Variants in RAB20 observed in about 807,000 individuals in gnomAD.
RAB20 encodes ras-related protein Rab-20.
Under a neutral mutation model 3.7 loss-of-function variants are expected in RAB20, and 2 were observed. The ratio of observed to expected loss-of-function variants is 0.54; its 90% CI spans 0.22 to 1.69. The LOEUF (loss-of-function observed/expected upper bound fraction) is 1.69, where lower values mean the gene tolerates loss of function less well. Among genes scored for constraint, RAB20 ranks in the 40% most tolerant of loss-of-function variants. The pLI, the probability that RAB20 is intolerant of heterozygous loss-of-function variation, is 0.19. For synonymous variants in RAB20, 126 were observed against 130.8 expected (o/e 0.96, Z 0.25); for missense variants, 276 against 311.9 (o/e 0.88, Z 0.87).
At position 110,561,484 on chromosome 13, in the gene RAB20, C is replaced by T. The variant is rs751460937; in HGVS notation, c.36G>A (p.Gly12=). The T allele has an allele frequency of 1.3e-6, 2 of 1,594,166 alleles. No homozygotes were observed. Among genetic ancestry groups the T allele is most frequent in the South Asian group, 1.1e-5 (1 of 89,808 alleles). ...RKPDSKIVLL[G]DMNVGKTSLL... ...GCGACGTCTTCCCCACGTTCATGTC[C>T]CCCAGGAGCACGATCTTGCTGTCGG... The change falls in exon 1 of 2, where the codon GGG becomes GGA. Residue 12 remains glycine, a synonymous_variant. Transcript: ENST00000267328.
intron 1 of RAB20, among the ~76,000 whole-genome samples, chr13:110,535,889 G>A (rs1427137378): frequency 1.3e-5 from 2 of 152,188 alleles, no homozygotes; most frequent in Non-Finnish European, 2.9e-5. Context: ...GTTTAAAAAT[G>A]GAATCATAAA....
chr13:110,523,631 C>T lies in RAB20; in HGVS notation c.*34G>A. The T allele has an allele frequency of 6.2e-7, 1 of 1,600,738 alleles. No individual in the cohort carries two copies. The highest frequency in any genetic ancestry group is 8.5e-7 in the Non-Finnish European group (1 of 1,171,238). The stretch of plus-strand genomic sequence containing the variant: ...CTTGCCTGGTCAGACCCCTTCCCAA[C>T]ATGCACAGTCTGAGTCCAGGAGGCC... On this transcript the variant is annotated 3_prime_UTR_variant, in exon 2 of 2. Transcript: ENST00000267328.
At chr13:110,535,026 G>A (rs1884616499) in intron 1 of RAB20, among the ~76,000 whole-genome samples, 1 of 151,986 alleles carries the variant, frequency 6.6e-6, no homozygotes, top group East Asian at 1.9e-4. Context: ...TAGAGATGAG[G>A]TCTCACTAAG....
At chr13:110,537,272 G>T (rs1206235055) in intron 1 of RAB20, among the ~76,000 whole-genome samples, 1 of 151,510 alleles carries the variant, frequency 6.6e-6, no homozygotes, top group Non-Finnish European at 1.5e-5. Flanking sequence ...GGCCTCCCAC[G>T]GTGCTGGGAT....
In RAB20 at chr13:110,524,039, C is replaced by T. The variant is rs556443206; in HGVS notation, c.331G>A (p.Val111Met). ...TCAGTGAGGTCCACTTTGTTCCCCACGATGGCAAAGAGGCAGTCTTTGCTG... is the reference window on the plus strand; with the variant it reads ...TCAGTGAGGTCCACTTTGTTCCCCATGATGGCAAAGAGGCAGTCTTTGCTG... ...TASKDCLFAI[V>M]GNKVDLTEEG... The change falls in exon 2 of 2, where the codon GTG becomes ATG. Residue 111 changes from valine to methionine, a missense_variant. Physicochemically the swap from Val to Met is conservative, Grantham distance 21 (BLOSUM62 1). Coordinates refer to ENST00000267328, the MANE Select transcript of RAB20 (RefSeq NM_017817.3). 4 of 1,614,142 alleles carry T rather than the reference C, an allele frequency of 2.5e-6. No homozygotes were observed. The highest frequency in any genetic ancestry group is 1.1e-5 in the South Asian group (1 of 91,070).
rs74124685 is a variant in RAB20 at position 110,523,499 on chromosome 13, G to A, written c.*166C>T. 508 of 1,250,316 alleles carry A rather than the reference G, an allele frequency of 4.1e-4. 2 individuals carry two copies. In the African/African-American group the frequency reaches 6.5e-3, roughly 16 times the overall value. The allele number at this position is 1,250,316 out of a possible 1,614,324, so 77.5% of individuals were successfully genotyped here. On this transcript the variant is annotated 3_prime_UTR_variant, in exon 2 of 2. Transcript: ENST00000267328. ...GACAGAGACTGAGGAGACCACACACGTTGACCTCCTCTTCATAGCCAGCCA... is the reference window on the plus strand; with the variant it reads ...GACAGAGACTGAGGAGACCACACACATTGACCTCCTCTTCATAGCCAGCCA...
chr13:110,556,196 C>T (rs886100497), intron 1 of RAB20, among the ~76,000 whole-genome samples: 4 of 152,232 alleles, frequency 2.6e-5, no homozygotes, highest in Non-Finnish European at 5.9e-5. Flanking sequence ...GGGTGAGGGA[C>T]GCTGAGCCTG....
chr13:110,523,122 G>A lies in RAB20; in HGVS notation c.*543C>T, dbSNP rs1884359315. ...CATGTAGCCAACATTGCTGCAATCA[G>A]TATAAAAACAAAGTTATTCCTGATT... On this transcript the variant is annotated 3_prime_UTR_variant, in exon 2 of 2. Coordinates refer to ENST00000267328, the MANE Select transcript of RAB20 (RefSeq NM_017817.3). 2.5e-6 allele frequency: 1 copy of A among 397,680 alleles called. No individual in the cohort carries two copies. The highest frequency in any genetic ancestry group is 2.1e-5 in the African/African-American group (1 of 48,586). The allele number at this position is 397,680 out of a possible 1,614,324, so 24.6% of individuals were successfully genotyped here.
At chr13:110,535,877 C>T (rs1311553743) in intron 1 of RAB20, among the ~76,000 whole-genome samples, 2 of 152,238 alleles carry the variant, frequency 1.3e-5, no homozygotes, top group Non-Finnish European at 2.9e-5. Flanking sequence ...ACAGCACTTT[C>T]TGTTTAAAAA....
In RAB20 at chr13:110,555,015, G is replaced by A. The variant is rs1342301361; in HGVS notation, c.172+6333C>T. On this transcript the variant is annotated intron_variant, in intron 1 of 1. Coordinates refer to ENST00000267328, the MANE Select transcript of RAB20 (RefSeq NM_017817.3). The surrounding 1 kb of genome is among the most constrained non-coding windows in gnomAD (Gnocchi z 4.0). ...GGCACCGTGTCAGGGAGCGACTGTG[G>A]GAGCCGCCTCCCCTCTGTAAGATGC... Among the ~76,000 whole-genome samples the A allele has an allele frequency of 1.3e-5, 2 of 150,436 alleles. No homozygotes were observed. Among genetic ancestry groups the A allele is most frequent in the African/African-American group, 4.9e-5 (2 of 40,686 alleles).
In RAB20 at chr13:110,523,635, C is replaced by A. The variant is rs780179672; in HGVS notation, c.*30G>T. The stretch of plus-strand genomic sequence containing the variant: ...CCTGGTCAGACCCCTTCCCAACATG[C>A]ACAGTCTGAGTCCAGGAGGCCCTCG... On this transcript the variant is annotated 3_prime_UTR_variant, in exon 2 of 2. Transcript: ENST00000267328. 3.1e-6 allele frequency: 5 copies of A among 1,602,626 alleles called. No individual in the cohort carries two copies. The highest frequency in any genetic ancestry group is 3.4e-5 in the Admixed American group (2 of 59,514).
intron 1 of RAB20, among the ~76,000 whole-genome samples, chr13:110,536,944 A>C (rs1344136328): frequency 2.0e-5 from 1 of 49,396 alleles, no homozygotes; most frequent in Non-Finnish European, 3.6e-5. Flanking sequence ...CCCACCCCAC[A>C]ACAGGCCCCG....
At position 110,555,917 on chromosome 13, in the gene RAB20, C is replaced by T. The variant is rs1885030973; in HGVS notation, c.172+5431G>A. ...CTGAGCCTCCCTCCTCCCTTTGTAA[C>T]ATGCCTGCTGGTGTAACCTCAGTGA... On this transcript the variant is annotated intron_variant, in intron 1 of 1. Coordinates refer to ENST00000267328, the MANE Select transcript of RAB20 (RefSeq NM_017817.3). The surrounding 1 kb of genome is among the most constrained non-coding windows in gnomAD (Gnocchi z 4.0). 6.6e-6 allele frequency among the ~76,000 whole-genome samples: 1 copy of T among 152,204 alleles called. No individual in the cohort carries two copies. Among genetic ancestry groups the T allele is most frequent in the African/African-American group, 2.4e-5 (1 of 41,450 alleles).
chr13:110,558,119 C>T (rs1355170781), intron 1 of RAB20, among the ~76,000 whole-genome samples: 1 of 152,248 alleles, frequency 6.6e-6, no homozygotes, highest in Non-Finnish European at 1.5e-5. Context: ...ACAGGCAACA[C>T]CACTTTAGGC....
Position 110,523,810 on chromosome 13 carries a change from C to A in RAB20, c.560G>T (p.Gly187Val). 2.5e-6 allele frequency: 4 copies of A among 1,614,214 alleles called. No homozygotes were observed. Among genetic ancestry groups the A allele is most frequent in the Non-Finnish European group, 3.4e-6 (4 of 1,180,040 alleles). Residue 187 changes from glycine to valine, a missense_variant, in exon 2 of 2, where the codon GGC (glycine) becomes GTC (valine). Coordinates refer to ENST00000267328, the MANE Select transcript of RAB20 (RefSeq NM_017817.3). ...QMCFETSAKT[G>V]YNVDLLFETL... is the part of the protein sequence containing the mutation. ...CTCAAACAGGAGGTCCACATTGTAG[C>A]CGGTCTTGGCGCTGGTCTCAAAGCA...
chr13:110,536,879 A>T (rs1566586156), intron 1 of RAB20, among the ~76,000 whole-genome samples: 1 of 150,346 alleles, frequency 6.7e-6, no homozygotes, highest in Non-Finnish European at 1.5e-5. Context: ...TGCTGCACCC[A>T]TTAACTCATC....
chr13:110,558,380 CTT>C lies in RAB20; in HGVS notation c.172+2966_172+2967del, dbSNP rs34187531. Among the ~76,000 whole-genome samples, 433 of 119,342 alleles carry C rather than the reference CTT, an allele frequency of 3.6e-3. 2 individuals are homozygous for C. Among genetic ancestry groups the C allele is most frequent in the African/African-American group, 0.012 (378 of 31,986 alleles). The allele number at this position is 119,342 out of a possible 152,430, so 78.3% of individuals were successfully genotyped here. Reference sequence around the variant, plus strand: ...CCACTTAACTTCTGCTGTCTTCCCACTTTTTTTTTTTTTTTTTTTTGAGACAG... The same window carrying C: ...CCACTTAACTTCTGCTGTCTTCCCACTTTTTTTTTTTTTTTTTTGAGACAG... On this transcript the variant is annotated intron_variant, in intron 1 of 1. Coordinates refer to ENST00000267328, the MANE Select transcript of RAB20 (RefSeq NM_017817.3).
intron 1 of RAB20, among the ~76,000 whole-genome samples, chr13:110,538,261 G>A (rs1249535182): frequency 2.6e-4 from 36 of 140,866 alleles, no homozygotes; most frequent in Admixed American, 2.2e-3. Context: ...AAAAAAGAAA[G>A]AAAGAAAGAA....
At chr13:110,553,455 C>T (rs543793625) in intron 1 of RAB20, among the ~76,000 whole-genome samples, 2 of 152,306 alleles carry the variant, frequency 1.3e-5, no homozygotes, top group South Asian at 4.2e-4. Flanking sequence ...CACAACCCAA[C>T]CAGGGATCAG....
Sources: gnomAD v4.1 joint callset for allele counts (sites outside exome capture counted in the v4.1 genomes callset) on GRCh38, gnomAD v4.1.1 for gene constraint, Gnocchi (gnomAD v3.1) non-coding constraint, MANE v1.5 for transcripts, NCBI Gene and HGNC (gene_info 2026-07-23, HGNC 2026-07-21) for gene names.